Variants in CSMD1 observed in about 807,000 individuals in gnomAD.
CSMD1 encodes the protein CUB and sushi domain-containing protein 1.
Under a neutral mutation model 417.5 loss-of-function variants are expected in CSMD1, and 213 were observed. That is an observed-to-expected ratio of 0.51 (90% CI 0.46 to 0.57). The LOEUF (loss-of-function observed/expected upper bound fraction) is 0.57. CSMD1 is among the 20% of genes least tolerant of loss of function. The pLI is 0.00. For missense variants in CSMD1, 6,923 were observed against 4,529.7 expected, an observed-to-expected ratio of 1.53 and a Z score of -15.17; for synonymous variants, 2,862 against 1,736.8, an observed-to-expected ratio of 1.65 and a Z score of -16.11.
chr8:3,589,569 T>C (rs1800754741), intron 8 of CSMD1, among the ~76,000 whole-genome samples: 3 of 151,996 alleles, frequency 2.0e-5, no homozygotes, highest in South Asian at 2.1e-4. Flanking sequence ...AGGTGAAATC[T>C]GGAAAAAATA....
chr8:3,741,489 A>G (rs574834315), intron 6 of CSMD1, among the ~76,000 whole-genome samples: 1 of 152,298 alleles, frequency 6.6e-6, no homozygotes, highest in South Asian at 2.1e-4. Context: ...TTACCAAGTA[A>G]AATGTACTTC....
At chr8:3,988,161 G>C (rs895828233) in intron 5 of CSMD1, among the ~76,000 whole-genome samples, 9 of 152,120 alleles carry the variant, frequency 5.9e-5, no homozygotes, top group African/African-American at 1.9e-4. Context: ...GGCTGGTTCA[G>C]AAAACTAAAT....
At chr8:3,267,498 A>C (rs1477973249) in intron 26 of CSMD1, among the ~76,000 whole-genome samples, 1 of 152,184 alleles carries the variant, frequency 6.6e-6, no homozygotes, top group East Asian at 1.9e-4. Context: ...AGGTTTCCTC[A>C]GGAGCTCTCC....
intron 1 of CSMD1, among the ~76,000 whole-genome samples, chr8:4,803,474 T>C (rs75554157): frequency 0.067 from 10,139 of 152,160 alleles, 550 homozygotes; most frequent in East Asian, 0.23. Context: ...GGGTTAGGGG[T>C]CAGAAAGCCC....
At chr8:3,302,918 C>T (rs752722336) in intron 25 of CSMD1, among the ~76,000 whole-genome samples, 2 of 152,168 alleles carry the variant, frequency 1.3e-5, no homozygotes, top group Non-Finnish European at 2.9e-5. Flanking sequence ...TTTCCTCTGA[C>T]TCAGGCTCTC....
Position 4,409,074 on chromosome 8 carries a change from A to T in CSMD1, c.415+10879T>A, listed in dbSNP as rs78645682. Among the ~76,000 whole-genome samples the T allele has an allele frequency of 8.4e-3, 1,281 of 152,356 alleles. 43 individuals are homozygous for T. The highest frequency in any genetic ancestry group is 0.06 in the East Asian group (313 of 5,186). ...ACATTCGGCATTGAATTTATTGGAT[A>T]GCAGACTGTGAAGCCTTTTTTAAAG... is the stretch of plus-strand genomic sequence containing the variant. On this transcript the variant is annotated intron_variant, in intron 3 of 69. Coordinates refer to ENST00000635120, the MANE Select transcript of CSMD1 (RefSeq NM_033225.6).
intron 12 of CSMD1, among the ~76,000 whole-genome samples, chr8:3,431,308 G>A (rs1350901956): frequency 2.0e-5 from 3 of 152,064 alleles, no homozygotes; most frequent in Non-Finnish European, 2.9e-5. Context: ...GTCTAACCCT[G>A]CATACTCTCC....
intron 5 of CSMD1, among the ~76,000 whole-genome samples, chr8:3,832,340 C>A (rs1244489139): frequency 6.6e-6 from 1 of 152,144 alleles, no homozygotes; most frequent in Non-Finnish European, 1.5e-5. Flanking sequence ...AAAATATATA[C>A]CGCAAATCTC....
intron 2 of CSMD1, among the ~76,000 whole-genome samples, chr8:4,509,363 G>A (rs1259776149): frequency 6.6e-6 from 1 of 152,116 alleles, no homozygotes; most frequent in African/African-American, 2.4e-5. Flanking sequence ...AAGGCAGCTG[G>A]TATTTGGTCT....
chr8:4,659,646 G>C (rs897991600), intron 1 of CSMD1, among the ~76,000 whole-genome samples: 1 of 152,116 alleles, frequency 6.6e-6, no homozygotes, highest in Non-Finnish European at 1.5e-5. Context: ...TTTCCAAGGC[G>C]ACAGGGGAGT....
chr8:3,578,854 T>C (rs1221829409), intron 9 of CSMD1, among the ~76,000 whole-genome samples: 1 of 152,198 alleles, frequency 6.6e-6, no homozygotes. Flanking sequence ...ACCAGCATAA[T>C]TAAGTAACTA....
intron 51 of CSMD1, among the ~76,000 whole-genome samples, chr8:3,020,085 C>T (rs1247619639): frequency 1.3e-5 from 2 of 152,188 alleles, no homozygotes; most frequent in Non-Finnish European, 2.9e-5. Flanking sequence ...TGGCTGTAGG[C>T]TACCCAGGGT....
chr8:3,784,614 C>A (rs541279977), intron 5 of CSMD1, among the ~76,000 whole-genome samples: 2 of 152,010 alleles, frequency 1.3e-5, no homozygotes, highest in Admixed American at 6.6e-5. Context: ...TAGCAAAGAA[C>A]AGAAAAATGA....
chr8:3,714,047 GATAGA>G (rs1563301745), intron 6 of CSMD1, among the ~76,000 whole-genome samples: 2 of 151,396 alleles, frequency 1.3e-5, no homozygotes, highest in African/African-American at 4.8e-5. Context: ...TAGATAGATA[GATAGA>G]TAGATAGATG....
At chr8:4,352,618 C>T (rs1560428) in intron 3 of CSMD1, among the ~76,000 whole-genome samples, 29 of 152,120 alleles carry the variant, frequency 1.9e-4, no homozygotes, top group African/African-American at 5.5e-4. Flanking sequence ...GTCATTTGCC[C>T]CGAGTGACAC....
At chr8:3,873,216 G>A (rs1273820326) in intron 5 of CSMD1, among the ~76,000 whole-genome samples, 1 of 152,004 alleles carries the variant, frequency 6.6e-6, no homozygotes, top group Non-Finnish European at 1.5e-5. Flanking sequence ...TGTAGCCAAA[G>A]GAACAGCAAT....
At chr8:3,839,664 A>AG (rs1053151207) in intron 5 of CSMD1, among the ~76,000 whole-genome samples, 2 of 147,776 alleles carry the variant, frequency 1.4e-5, no homozygotes, top group Non-Finnish European at 3.0e-5. Flanking sequence ...GAAAAAAAAA[A>AG]AAAAGAATCT....
At chr8:4,780,720 T>C (rs1797113281) in intron 1 of CSMD1, among the ~76,000 whole-genome samples, 1 of 152,070 alleles carries the variant, frequency 6.6e-6, no homozygotes. Flanking sequence ...CTGACCCCCT[T>C]CCCACTCTTC....
chr8:3,255,600 T>A (rs1033850134), intron 26 of CSMD1, among the ~76,000 whole-genome samples: 2 of 152,192 alleles, frequency 1.3e-5, no homozygotes, highest in Non-Finnish European at 2.9e-5. Flanking sequence ...GCTGCAGCCC[T>A]GCAGTTTGAT....
Sources: gnomAD v4.1 joint callset for allele counts (sites outside exome capture counted in the v4.1 genomes callset) on GRCh38, gnomAD v4.1.1 for gene constraint, MANE v1.5 for transcripts, NCBI Gene and HGNC (gene_info 2026-07-23, HGNC 2026-07-21) for gene names.